The following AIFM3 variants were observed in gnomAD, a reference collection of about 807,000 sequenced individuals.
The protein encoded by AIFM3 is AIF family member 3, also known as apoptosis-inducing factor 3.
AIFM3 carries 71 observed loss-of-function variants against 82.7 expected under a neutral mutation model. That is an observed-to-expected ratio of 0.86 (90% CI 0.71 to 1.05). The LOEUF (loss-of-function observed/expected upper bound fraction) is 1.05, where lower values mean the gene tolerates loss of function less well. AIFM3 is among the 50% of genes least tolerant of loss of function. The pLI is 0.00. For synonymous variants in AIFM3, 337 were observed against 329.1 expected (o/e 1.02, Z -0.26); for missense variants, 748 against 816.7 (o/e 0.92, Z 1.03).
chr22:20,980,600 G>C, intron 19 of AIFM3, 147 bp from the exon 20 acceptor site: 2 of 948,976 alleles, frequency 2.1e-6, no homozygotes, highest in Non-Finnish European at 3.4e-6. Flanking sequence ...AGCTCCCAGG[G>C]ACTGGGGACA....
At chr22:20,978,781 A>G (rs59250284) in intron 16 of AIFM3, among the ~76,000 whole-genome samples, 4,784 of 152,140 alleles carry the variant, frequency 0.031, 251 homozygotes, top group African/African-American at 0.11. Context: ...ATTAGGATTT[A>G]ACTGAGAGAG....
At chr22:20,973,563 A>G (rs1194377586) in intron 3 of AIFM3, 43 bp downstream of exon 3, 3 of 1,542,856 alleles carry the variant, frequency 1.9e-6, no homozygotes, top group South Asian at 1.1e-5. Flanking sequence ...AGGGGTCCCA[A>G]GGTGGGAGGG....
intron 2 of AIFM3, among the ~76,000 whole-genome samples, chr22:20,970,345 C>T (rs1923190360): frequency 1.3e-5 from 2 of 152,110 alleles, no homozygotes; most frequent in South Asian, 4.1e-4. Context: ...GGAGTAAAGT[C>T]GCATAATCAT....
chr22:20,974,601 A>G lies in AIFM3; in HGVS notation c.587A>G (p.Asn196Ser). The change falls in exon 7 of 21, where the codon AAT (asparagine) becomes AGT (serine). Residue 196 changes from asparagine (N) to serine (S), a missense_variant. Around this residue, in one of 5 missense-constraint regions of AIFM3, gnomAD observed 393 missense variants for 481.1 expected, o/e 0.82. Coordinates refer to ENST00000440238, the MANE Select transcript of AIFM3 (RefSeq NM_001386814.1). Reference sequence around the variant, plus strand: ...AGTGCTGGGTACAGCAGTAGCACCAATGTGCTCATTGTGGGTGCAGGTTGG... The same window carrying G: ...AGTGCTGGGTACAGCAGTAGCACCAGTGTGCTCATTGTGGGTGCAGGTTGG... ...SPSAGYSSSTNVLIVGAGAAG... is the reference protein window; with the variant it reads ...SPSAGYSSSTSVLIVGAGAAG... 1.2e-6 allele frequency: 2 copies of G among 1,613,818 alleles called. No individual in the cohort carries two copies. The highest frequency in any genetic ancestry group is 1.7e-6 in the Non-Finnish European group (2 of 1,179,920).
In AIFM3 at chr22:20,976,882, C is replaced by T. The variant is rs140732562; in HGVS notation, c.1162C>T (p.Arg388Trp). The change falls in exon 13 of 21, where the codon CGG (arginine) becomes TGG (tryptophan). Residue 388 changes from arginine to tryptophan, a missense_variant. Arg to Trp is a moderately radical substitution (Grantham distance 101, BLOSUM62 -3). Around this residue, in one of 5 missense-constraint regions of AIFM3, gnomAD observed 393 missense variants for 481.1 expected, o/e 0.82. Transcript: ENST00000440238. ...RALMKMFENN[R>W]VKFYMQTEVS... Reference sequence around the variant, plus strand: ...GCCCTGACAGATGTTTGAGAACAACCGGGTGAAGTTCTACATGCAGACGGA... The same window carrying T: ...GCCCTGACAGATGTTTGAGAACAACTGGGTGAAGTTCTACATGCAGACGGA... 299 of 1,603,844 alleles carry T rather than the reference C, an allele frequency of 1.9e-4. 1 individual carries two copies. In the African/African-American group the frequency reaches 2.4e-3, roughly 13 times the overall value.
chr22:20,979,527 A>G lies in AIFM3; in HGVS notation c.1577-100A>G, dbSNP rs113556586. 113 of 1,498,146 alleles carry G rather than the reference A, an allele frequency of 7.5e-5. No individual in the cohort carries two copies. In the African/African-American group the frequency reaches 1.3e-3, roughly 18 times the overall value. The allele number at this position is 1,498,146 out of a possible 1,614,324, so 92.8% of individuals were successfully genotyped here. A position where few individuals can be genotyped will look rare whatever the true frequency, so the allele number is the denominator to read the frequency against. On this transcript the variant is annotated intron_variant, in intron 17 of 20. Transcript: ENST00000440238. ...GCAAGGCTACGAACTACCTAAAAGG[A>G]CGTATGGAGCAGGGCCTGGGCGGGG...
At position 20,971,087 on chromosome 22, in the gene AIFM3, G is replaced by A. The variant is rs73392561; in HGVS notation, c.32-2220G>A. 6.1e-3 allele frequency among the ~76,000 whole-genome samples: 934 copies of A among 152,328 alleles called. 7 individuals are homozygous for A. Among genetic ancestry groups the A allele is most frequent in the African/African-American group, 0.02 (845 of 41,564 alleles). ...TCCATTAGACTGCATCAGTGAGTGG[G>A]CTTGGAGCCTTCTGGGAGGAGGTGG... On this transcript the variant is annotated intron_variant, in intron 2 of 20. Transcript: ENST00000440238.
At chr22:20,974,866 A>G (rs1224857939) in intron 8 of AIFM3, 50 bp downstream of exon 8, 3 of 1,587,026 alleles carry the variant, frequency 1.9e-6, no homozygotes, top group Admixed American at 1.7e-5. Context: ...GTCCCAGTTA[A>G]GCCCACTTCA....
At chr22:20,979,120 T>C (rs1373090114) in intron 16 of AIFM3, 151 bp from the exon 17 acceptor site, 25 of 784,384 alleles carry the variant, frequency 3.2e-5, no homozygotes, top group Non-Finnish European at 4.4e-6. Flanking sequence ...CAGGTGCAAG[T>C]GAGCAGTGGG....
intron 16 of AIFM3, 152 bp from the exon 17 acceptor site, chr22:20,979,119 G>A: frequency 1.3e-6 from 1 of 782,782 alleles, no homozygotes. Context: ...GCAGGTGCAA[G>A]TGAGCAGTGG....
chr22:20,979,699 C>T lies in AIFM3; in HGVS notation c.1649C>T (p.Thr550Ile). Residue 550 changes from threonine to isoleucine, a missense_variant, in exon 18 of 21, where the codon ACT becomes ATT. Coordinates refer to ENST00000440238, the MANE Select transcript of AIFM3 (RefSeq NM_001386814.1). The stretch of plus-strand genomic sequence containing the variant: ...GAGCTGAAGTTTGTGGCTTTTTACA[C>T]TAAGTGAGAGCACCGGGGTGCAGCT... Reference protein sequence around the residue: ...LEELKFVAFYTKGDEVIAVAS... With the variant: ...LEELKFVAFYIKGDEVIAVAS... 1 of 1,614,202 alleles carries T rather than the reference C, an allele frequency of 6.2e-7. No individual in the cohort carries two copies. The highest frequency in any genetic ancestry group is 8.5e-7 in the Non-Finnish European group (1 of 1,180,028).
At chr22:20,972,098 G>A (rs1923304076) in intron 2 of AIFM3, among the ~76,000 whole-genome samples, 1 of 152,188 alleles carries the variant, frequency 6.6e-6, no homozygotes, top group South Asian at 2.1e-4. Context: ...TTGGTGAGAA[G>A]AGCTATTTTG....
Position 20,976,265 on chromosome 22 carries a change from C to G in AIFM3, c.858C>G (p.Phe286Leu). 2 of 1,614,044 alleles carry G rather than the reference C, an allele frequency of 1.2e-6. No individual in the cohort carries two copies. Among genetic ancestry groups the G allele is most frequent in the Non-Finnish European group, 1.7e-6 (2 of 1,180,006 alleles). ...AGAAGGTCGTGTTCAAGGATGGCTT[C>G]AAGCTGGAGTACAGCAAGCTGCTGC... Reference protein sequence around the residue: ...RTKKVVFKDGFKLEYSKLLLA... With the variant: ...RTKKVVFKDGLKLEYSKLLLA... The change falls in exon 10 of 21, where the codon TTC (phenylalanine) becomes TTG (leucine). Residue 286 changes from phenylalanine to leucine, a missense_variant. This residue lies in a region of AIFM3 where 393 missense variants were observed against 481.1 expected (regional missense o/e 0.82). Coordinates refer to ENST00000440238, the MANE Select transcript of AIFM3 (RefSeq NM_001386814.1).
chr22:20,979,118 A>C (rs191441287), intron 16 of AIFM3, among the ~76,000 whole-genome samples, 153 bp from the exon 17 acceptor site: 2 of 152,324 alleles, frequency 1.3e-5, no homozygotes, highest in East Asian at 3.9e-4. Flanking sequence ...TGCAGGTGCA[A>C]GTGAGCAGTG....
chr22:20,971,592 C>T lies in AIFM3; in HGVS notation c.32-1715C>T, dbSNP rs556872032. On this transcript the variant is annotated intron_variant, in intron 2 of 20. Coordinates refer to ENST00000440238, the MANE Select transcript of AIFM3 (RefSeq NM_001386814.1). ...CAGGCAAAGGCCTGGAGGTGCATCT[C>T]GGCAGCCTCTCTGGGTTCTTGGTTT... is the stretch of plus-strand genomic sequence containing the variant. 3.9e-5 allele frequency among the ~76,000 whole-genome samples: 6 copies of T among 152,318 alleles called. No individual in the cohort carries two copies. In the South Asian group the frequency reaches 6.2e-4, roughly 16 times the overall value.
At position 20,978,022 on chromosome 22, in the gene AIFM3, G is replaced by A. The variant is rs750993538; in HGVS notation, c.1477+17G>A. 3.7e-6 allele frequency: 6 copies of A among 1,611,930 alleles called. No homozygotes were observed. ...ATGCTCAGGGTATGGCCAGTCCCGA[G>A]GCACATGGAGGGGTGGGAGGGAGTC... On this transcript the variant is annotated intron_variant, in intron 16 of 20. Coordinates refer to ENST00000440238, the MANE Select transcript of AIFM3 (RefSeq NM_001386814.1).
chr22:20,976,155 A>T, intron 9 of AIFM3, 60 bp from the exon 10 acceptor site: 1 of 1,557,162 alleles, frequency 6.4e-7, no homozygotes, highest in Non-Finnish European at 8.7e-7. Context: ...AGGACCGGGG[A>T]GTGGGCGGCG....
intron 19 of AIFM3, 48 bp downstream of exon 19, chr22:20,980,172 T>G (rs8140475): frequency 0.065 from 102,868 of 1,570,748 alleles, 6,957 homozygotes; most frequent in African/African-American, 0.35. Context: ...TTCCCTGGAG[T>G]ACTGGCTAAG....
rs1345661569 is a variant in AIFM3, at chr22:20,969,096, C to A, written c.31+1121C>A. Among the ~76,000 whole-genome samples the A allele has an allele frequency of 2.6e-5, 4 of 152,198 alleles. No homozygotes were observed. The East Asian group carries it at 7.7e-4, about 29-fold the overall frequency. On this transcript the variant is annotated intron_variant, in intron 2 of 20. Transcript: ENST00000440238. ...GGGCAGATGACGTCCATTGTCTCCC[C>A]CTAGCAGTGGGTGGGATGATGCCAG... is the stretch of plus-strand genomic sequence containing the variant.
Sources: allele counts gnomAD v4.1 joint callset (sites outside exome capture counted in the v4.1 genomes callset), GRCh38; gene constraint gnomAD v4.1.1; regional missense constraint gnomAD v4.1.1; transcripts MANE v1.5; gene names NCBI Gene and HGNC (gene_info 2026-07-23, HGNC 2026-07-21).